The following CRADD variants were observed in gnomAD, a reference collection of about 807,000 sequenced individuals.
The protein encoded by CRADD is CARD and death domain containing adaptor protein, also known as death domain-containing protein CRADD.
CRADD carries 9 observed loss-of-function variants against 15.5 expected under a neutral mutation model. That is an observed-to-expected ratio of 0.58 (90% CI 0.35 to 1.01). CRADD has a LOEUF of 1.01. CRADD is among the 50% of genes least tolerant of loss of function. The pLI is 0.02. For synonymous variants in CRADD, 118 were observed against 107.6 expected (o/e 1.10, Z -0.60); for missense variants, 227 against 250.3 (o/e 0.91, Z 0.63).
At chr12:93,856,391 T>C (rs1038988888) in intron 2 of CRADD, among the ~76,000 whole-genome samples, 1 of 152,168 alleles carries the variant, frequency 6.6e-6, no homozygotes, top group Non-Finnish European at 1.5e-5. Flanking sequence ...GATACAAAGA[T>C]GAATAAGCCA....
intron 2 of CRADD, among the ~76,000 whole-genome samples, chr12:93,881,426 C>G (rs1033936558): frequency 3.0e-5 from 3 of 99,332 alleles, no homozygotes; most frequent in African/African-American, 1.1e-4. Context: ...CTGCAGCTCT[C>G]AAAAAAAAAG....
intron 2 of CRADD, among the ~76,000 whole-genome samples, chr12:93,718,749 G>C (rs1297827750): frequency 6.6e-6 from 1 of 151,134 alleles, no homozygotes; most frequent in Non-Finnish European, 1.5e-5. Flanking sequence ...TAGTGGGAAA[G>C]TCTCAATTTT....
At chr12:93,838,627 A>G (rs1958010126) in intron 2 of CRADD, among the ~76,000 whole-genome samples, 1 of 150,422 alleles carries the variant, frequency 6.6e-6, no homozygotes, top group Admixed American at 6.6e-5. Flanking sequence ...GGTCTGTGAA[A>G]AGCTTCTTCC....
At chr12:93,692,821 T>C (rs1480512060) in intron 2 of CRADD, among the ~76,000 whole-genome samples, 1 of 152,188 alleles carries the variant, frequency 6.6e-6, no homozygotes, top group African/African-American at 2.4e-5. Flanking sequence ...TCTCCAATAC[T>C]GTAATGGTTG....
rs374397666 is a variant in CRADD at position 93,808,076 on chromosome 12, C to T, written c.299-41894C>T. Among the ~76,000 whole-genome samples, 16 of 150,218 alleles carry T rather than the reference C, an allele frequency of 1.1e-4. No homozygotes were observed. In the South Asian group the frequency reaches 1.3e-3, roughly 12 times the overall value. On this transcript the variant is annotated intron_variant, in intron 2 of 2. Coordinates refer to ENST00000332896, the MANE Select transcript of CRADD (RefSeq NM_003805.5). ...TTAATTAGGGTGGGTGGGGAGGCCC[C>T]CATTCAGTGGGTGTCCTGGGAGTGA...
At chr12:93,768,045 G>T (rs919214029) in intron 2 of CRADD, among the ~76,000 whole-genome samples, 1 of 152,156 alleles carries the variant, frequency 6.6e-6, no homozygotes, top group Admixed American at 6.5e-5. Flanking sequence ...AACCAAAGTT[G>T]TGTGCTCACT....
At chr12:93,878,110 A>G (rs1958470433) in intron 2 of CRADD, among the ~76,000 whole-genome samples, 1 of 152,228 alleles carries the variant, frequency 6.6e-6, no homozygotes, top group Non-Finnish European at 1.5e-5. Context: ...AAGTAAGGAA[A>G]GTACAGGAGT....
intron 2 of CRADD, chr12:93,738,398 A>C (rs542590723): frequency 1.7e-5 from 12 of 702,306 alleles, no homozygotes; most frequent in African/African-American, 8.7e-5. Context: ...CTTCCATGAG[A>C]TGCAGTTGCC....
intron 2 of CRADD, among the ~76,000 whole-genome samples, chr12:93,813,756 G>A (rs3847787): frequency 0.49 from 73,713 of 151,824 alleles, 18,022 homozygotes; most frequent in East Asian, 0.65. Context: ...TGTCCTGAGA[G>A]GGGGGTATGG....
intron 2 of CRADD, among the ~76,000 whole-genome samples, chr12:93,832,193 C>G (rs1957912804): frequency 6.6e-6 from 1 of 152,186 alleles, no homozygotes; most frequent in Admixed American, 6.5e-5. Context: ...TTTGGGAAGA[C>G]AGCAAATTTA....
chr12:93,801,894 T>A (rs1162967231), intron 2 of CRADD, among the ~76,000 whole-genome samples: 2 of 152,162 alleles, frequency 1.3e-5, no homozygotes, highest in Non-Finnish European at 2.9e-5. Context: ...ATTACATCAT[T>A]CTTCTGAATC....
chr12:93,734,505 C>G (rs1474395085), intron 2 of CRADD, among the ~76,000 whole-genome samples: 2 of 152,148 alleles, frequency 1.3e-5, no homozygotes, highest in African/African-American at 4.8e-5. Context: ...CATGTTTTCA[C>G]ACTGTGTTTT....
chr12:93,702,302 T>C (rs1955857310), intron 2 of CRADD, among the ~76,000 whole-genome samples: 1 of 152,030 alleles, frequency 6.6e-6, no homozygotes, highest in South Asian at 2.1e-4. Flanking sequence ...AATCTGGGCT[T>C]GGCAGGGTAG....
rs1252655780 is a variant in CRADD at position 93,886,134 on chromosome 12, A to AT, written c.299-7916_299-7915insT. Among the ~76,000 whole-genome samples the AT allele has an allele frequency of 8.6e-5, 13 of 150,940 alleles. No individual in the cohort carries two copies. In the East Asian group the frequency reaches 2.0e-3, roughly 23 times the overall value. ...CTATAAGATATACAACTGCCAAGCT[A>AT]AGATGGACATGCCTCTAGCTGCTGA... On this transcript the variant is annotated intron_variant, in intron 2 of 2. Transcript: ENST00000548483.
At chr12:93,738,442 A>G (rs575948071) in intron 2 of CRADD, 3 of 702,216 alleles carry the variant, frequency 4.3e-6, no homozygotes, top group Admixed American at 2.0e-5. Flanking sequence ...GAGCCTGCCC[A>G]CTCTGTTATG....
At chr12:93,717,266 G>A (rs1014338545) in intron 2 of CRADD, among the ~76,000 whole-genome samples, 2 of 151,842 alleles carry the variant, frequency 1.3e-5, no homozygotes, top group Non-Finnish European at 2.9e-5. Context: ...GTCTATTTTT[G>A]GTAACAGCCC....
At chr12:93,748,391 C>T (rs1300597912) in intron 2 of CRADD, among the ~76,000 whole-genome samples, 1 of 141,216 alleles carries the variant, frequency 7.1e-6, no homozygotes. Flanking sequence ...CGGCAACCTC[C>T]GCCTCCTGGG....
intron 2 of CRADD, among the ~76,000 whole-genome samples, chr12:93,805,010 A>C (rs928031767): frequency 6.6e-6 from 1 of 152,148 alleles, no homozygotes; most frequent in African/African-American, 2.4e-5. Context: ...TACTGCTTTC[A>C]AGATTTCTCA....
At chr12:93,682,537 G>T (rs1955337228) in intron 2 of CRADD, among the ~76,000 whole-genome samples, 1 of 152,160 alleles carries the variant, frequency 6.6e-6, no homozygotes, top group East Asian at 1.9e-4. Flanking sequence ...TCCCAGAGAT[G>T]CTTGGTTTCC....
Sources: gnomAD v4.1 joint callset for allele counts (sites outside exome capture counted in the v4.1 genomes callset) on GRCh38, gnomAD v4.1.1 for gene constraint, MANE v1.5 for transcripts, NCBI Gene and HGNC (gene_info 2026-07-23, HGNC 2026-07-21) for gene names.